Variants in MGAT4C observed in about 807,000 individuals in gnomAD.
The protein encoded by MGAT4C is MGAT4 family member C.
In MGAT4C, 19 loss-of-function variants were observed where a neutral mutation model predicts 40.1. The ratio of observed to expected loss-of-function variants is 0.47; its 90% confidence interval spans 0.33 to 0.70. The LOEUF is 0.70. Ranked by LOEUF, MGAT4C falls within the 30% of genes least tolerant of loss-of-function variation. The pLI is 0.02. For missense variants in MGAT4C, 491 were observed against 563.2 expected (o/e 0.87, Z 1.30); for synonymous variants, 181 against 187.1 (o/e 0.97, Z 0.27).
At chr12:86,738,352 G>A (rs769136140) in intron 1 of MGAT4C, among the ~76,000 whole-genome samples, 3 of 151,286 alleles carry the variant, frequency 2.0e-5, no homozygotes, top group South Asian at 2.1e-4. Flanking sequence ...GACTTAACAT[G>A]TCCTTAACTT....
chr12:86,538,767 C>G (rs1049564876), intron 2 of MGAT4C, among the ~76,000 whole-genome samples: 2 of 151,900 alleles, frequency 1.3e-5, no homozygotes, highest in Non-Finnish European at 2.9e-5. Context: ...GCCACCACGC[C>G]TGGCTAATTT....
At chr12:86,349,854 G>A (rs1044521013) in intron 3 of MGAT4C, among the ~76,000 whole-genome samples, 1 of 151,962 alleles carries the variant, frequency 6.6e-6, no homozygotes, top group African/African-American at 2.4e-5. Flanking sequence ...ATCTGGAATT[G>A]TTAAATTTAT....
chr12:86,377,352 C>T (rs1440154076), intron 3 of MGAT4C, among the ~76,000 whole-genome samples: 3 of 152,190 alleles, frequency 2.0e-5, no homozygotes, highest in Non-Finnish European at 4.4e-5. Context: ...AGCCACTGCA[C>T]CCGGCTGGCA....
intron 1 of MGAT4C, among the ~76,000 whole-genome samples, chr12:86,108,459 A>G (rs1876616340): frequency 6.6e-6 from 1 of 152,090 alleles, no homozygotes; most frequent in African/African-American, 2.4e-5. Flanking sequence ...TGGCCTCAAA[A>G]TAAACAGTAT....
At chr12:86,414,861 T>C (rs985177786) in intron 3 of MGAT4C, among the ~76,000 whole-genome samples, 1 of 152,136 alleles carries the variant, frequency 6.6e-6, no homozygotes. Context: ...TGCTGCTGCA[T>C]TCCATGTTAT....
chr12:86,648,214 G>A lies in MGAT4C; in HGVS notation c.-229+78995C>T, dbSNP rs151197098. ...AAACATAAAGGCCATAAGTTATTGT[G>A]GAGAAAAAATATTGTTTTGAATCCA... On this transcript the variant is annotated intron_variant, in intron 2 of 7. Transcript: ENST00000548651. 9.8e-4 allele frequency among the ~76,000 whole-genome samples: 149 copies of A among 151,908 alleles called. 2 individuals carry two copies. Among genetic ancestry groups the A allele is most frequent in the African/African-American group, 3.4e-3 (141 of 41,486 alleles).
chr12:86,553,336 T>C (rs116719438), intron 2 of MGAT4C, among the ~76,000 whole-genome samples: 3,028 of 152,226 alleles, frequency 0.02, 96 homozygotes, highest in African/African-American at 0.069. Context: ...ATAAGAGTCA[T>C]TTTTAACTTT....
intron 2 of MGAT4C, among the ~76,000 whole-genome samples, chr12:86,493,449 A>G (rs1247292645): frequency 6.6e-6 from 1 of 152,144 alleles, no homozygotes; most frequent in Non-Finnish European, 1.5e-5. Flanking sequence ...CATATACACC[A>G]TGGAATACCA....
At chr12:86,645,357 C>A (rs1034252786) in intron 2 of MGAT4C, among the ~76,000 whole-genome samples, 3 of 151,482 alleles carry the variant, frequency 2.0e-5, no homozygotes, top group African/African-American at 7.3e-5. Flanking sequence ...AATTTTAATA[C>A]AAAATGATAA....
intron 2 of MGAT4C, among the ~76,000 whole-genome samples, chr12:86,583,867 T>A (rs1960894352): frequency 6.6e-6 from 1 of 151,114 alleles, no homozygotes; most frequent in South Asian, 2.1e-4. Context: ...CGTTTTGCAA[T>A]CTTGAATATT....
intron 1 of MGAT4C, among the ~76,000 whole-genome samples, chr12:86,732,629 G>A (rs1254166795): frequency 6.6e-6 from 1 of 152,054 alleles, no homozygotes; most frequent in African/African-American, 2.4e-5. Context: ...AGATCTGACA[G>A]GAGGTGGAGC....
intron 3 of MGAT4C, among the ~76,000 whole-genome samples, chr12:86,416,481 C>T (rs1956718213): frequency 6.6e-6 from 1 of 152,046 alleles, no homozygotes; most frequent in African/African-American, 2.4e-5. Flanking sequence ...ACTGGTTACC[C>T]AGTTGAGGAT....
At chr12:86,829,602 C>T (rs1223377557) in intron 1 of MGAT4C, among the ~76,000 whole-genome samples, 1 of 151,112 alleles carries the variant, frequency 6.6e-6, no homozygotes, top group Non-Finnish European at 1.5e-5. Context: ...CAAGTGTATT[C>T]ATAACTTAGA....
intron 2 of MGAT4C, among the ~76,000 whole-genome samples, chr12:85,997,854 G>A (rs1486873969): frequency 6.6e-6 from 1 of 152,178 alleles, no homozygotes; most frequent in Non-Finnish European, 1.5e-5. Flanking sequence ...GCTGTCAGTG[G>A]ATCTACCATT....
chr12:86,769,714 A>G (rs1327349837), intron 1 of MGAT4C, among the ~76,000 whole-genome samples: 7 of 152,144 alleles, frequency 4.6e-5, no homozygotes, highest in African/African-American at 1.7e-4. Flanking sequence ...TGTCCTTTGT[A>G]GGGACATGGA....
intron 2 of MGAT4C, among the ~76,000 whole-genome samples, chr12:86,574,418 T>C (rs1180271206): frequency 1.3e-5 from 2 of 151,838 alleles, no homozygotes; most frequent in Admixed American, 6.6e-5. Context: ...CACCTGAATA[T>C]TAGAATGCAT....
chr12:86,601,251 C>G (rs1961763427), intron 2 of MGAT4C: 1 of 152,272 alleles, frequency 6.6e-6, no homozygotes, highest in Non-Finnish European at 1.5e-5. Flanking sequence ...ACCTTCAGGC[C>G]TGGCGGCGAG....
Position 86,163,039 on chromosome 12 carries a change from C to G in MGAT4C, c.-57+93200G>C, listed in dbSNP as rs140829987. ...TAAGTCTGGGATGGGCCCTAGAAATCTGCATTTCAAATCTCATGAAAATCT... is the reference window on the plus strand; with the variant it reads ...TAAGTCTGGGATGGGCCCTAGAAATGTGCATTTCAAATCTCATGAAAATCT... On this transcript the variant is annotated intron_variant, in intron 1 of 4. Coordinates refer to ENST00000611864, the MANE Select transcript of MGAT4C (RefSeq NM_001351288.2). Among the ~76,000 whole-genome samples, 1,275 of 152,230 alleles carry G rather than the reference C, an allele frequency of 8.4e-3. 16 individuals carry two copies. The highest frequency in any genetic ancestry group is 0.029 in the African/African-American group (1,214 of 41,538).
intron 2 of MGAT4C, among the ~76,000 whole-genome samples, chr12:86,575,981 TATC>T (rs1370849897): frequency 1.3e-5 from 2 of 151,980 alleles, no homozygotes; most frequent in East Asian, 3.9e-4. Context: ...CCCACATCCT[TATC>T]ATCATTTGTT....
Sources: allele counts gnomAD v4.1 joint callset (sites outside exome capture counted in the v4.1 genomes callset), GRCh38; gene constraint gnomAD v4.1.1; transcripts MANE v1.5; gene names NCBI Gene and HGNC (gene_info 2026-07-23, HGNC 2026-07-21).